The following FAM83B variants were observed in gnomAD, a reference collection of about 807,000 sequenced individuals.
The protein encoded by FAM83B is protein FAM83B.
FAM83B carries 26 observed loss-of-function variants against 38.8 expected under a neutral mutation model. The observed-to-expected ratio is 0.67, with a 90% CI of 0.49 to 0.93. The LOEUF (loss-of-function observed/expected upper bound fraction) is 0.93, where lower values mean the gene tolerates loss of function less well. FAM83B is among the 40% of genes least tolerant of loss of function. The pLI, the probability that FAM83B is intolerant of heterozygous loss-of-function variation, is 0.00. For missense variants in FAM83B, 1,237 were observed against 1,197.3 expected, an observed-to-expected ratio of 1.03 and a Z score of -0.49; for synonymous variants, 419 against 423.1, an observed-to-expected ratio of 0.99 and a Z score of 0.12.
At chr6:54,906,365 A>T (rs1772776563) in intron 2 of FAM83B, among the ~76,000 whole-genome samples, 1 of 152,008 alleles carries the variant, frequency 6.6e-6, no homozygotes, top group Admixed American at 6.6e-5. Flanking sequence ...CCAATAAAAC[A>T]ATTATTATTA....
At chr6:54,862,757 G>A (rs555064733) in intron 1 of FAM83B, among the ~76,000 whole-genome samples, 4 of 151,940 alleles carry the variant, frequency 2.6e-5, no homozygotes, top group African/African-American at 9.7e-5. Flanking sequence ...GGCAGTGTGT[G>A]CCTGTAGTCC....
chr6:54,918,334 A>G (rs1216406817), intron 2 of FAM83B, among the ~76,000 whole-genome samples: 1 of 152,160 alleles, frequency 6.6e-6, no homozygotes, highest in African/African-American at 2.4e-5. Flanking sequence ...CTAACTCTGT[A>G]GTAATACAGC....
chr6:54,941,556 A>G lies in FAM83B; in HGVS notation c.2585A>G (p.Asp862Gly), dbSNP rs771386096. 3 of 1,614,084 alleles carry G rather than the reference A, an allele frequency of 1.9e-6. No individual in the cohort carries two copies. The highest frequency in any genetic ancestry group is 1.7e-6 in the Non-Finnish European group (2 of 1,180,000). The change falls in exon 5 of 5, where the codon GAT (aspartate) becomes GGT (glycine). Residue 862 changes from aspartate (D) to glycine (G), a missense_variant. By Grantham distance (94) the Asp-to-Gly change is moderately conservative. Transcript: ENST00000306858. ...TCTCAAGAGATAAATGCTCCACCAG[A>G]TGAAAATAAAAGAACACCTTCTCCA... ...SPSQEINAPP[D>G]ENKRTPSPGP...
chr6:54,860,422 T>C (rs1581882910), intron 1 of FAM83B, among the ~76,000 whole-genome samples: 1 of 152,124 alleles, frequency 6.6e-6, no homozygotes, highest in East Asian at 1.9e-4. Context: ...CTTTATTGTA[T>C]GCCATTAAAA....
At position 54,941,631 on chromosome 6, in the gene FAM83B, C is replaced by G. The variant is rs752942030; in HGVS notation, c.2660C>G (p.Pro887Arg). 6.2e-7 allele frequency: 1 copy of G among 1,614,020 alleles called. No individual in the cohort carries two copies. The change falls in exon 5 of 5, where the codon CCA becomes CGA. Residue 887 changes from proline to arginine, a missense_variant. Coordinates refer to ENST00000306858, the MANE Select transcript of FAM83B (RefSeq NM_001010872.3). ...GAAAGGGCAGGAGATGCCTCTGCCC[C>G]AAGATTTAACACTGAACAGATCCAA... Reference protein sequence around the residue: ...FLERAGDASAPRFNTEQIQYR... With the variant: ...FLERAGDASARRFNTEQIQYR...
intron 2 of FAM83B, among the ~76,000 whole-genome samples, chr6:54,875,507 T>C (rs1244661182): frequency 6.6e-6 from 1 of 152,216 alleles, no homozygotes; most frequent in Non-Finnish European, 1.5e-5. Context: ...TTTTGCTTAG[T>C]CAAATTTAAT....
At chr6:54,897,193 C>T (rs1772557743) in intron 2 of FAM83B, among the ~76,000 whole-genome samples, 1 of 150,738 alleles carries the variant, frequency 6.6e-6, no homozygotes, top group South Asian at 2.1e-4. Context: ...AATACTGCTG[C>T]TACACTGGTA....
At chr6:54,884,317 A>AAAAG (rs1375935973) in intron 2 of FAM83B, among the ~76,000 whole-genome samples, 7 of 149,182 alleles carry the variant, frequency 4.7e-5, no homozygotes, top group Non-Finnish European at 8.9e-5. Context: ...AAAAAAAAAA[A>AAAAG]AGAGAAAAAT....
intron 2 of FAM83B, among the ~76,000 whole-genome samples, chr6:54,919,347 A>G (rs1260474753): frequency 6.6e-6 from 1 of 152,138 alleles, no homozygotes; most frequent in African/African-American, 2.4e-5. Flanking sequence ...CAGTTCTATG[A>G]TATGATGCAA....
chr6:54,924,689 T>C (rs1263699702), intron 2 of FAM83B, among the ~76,000 whole-genome samples: 1 of 152,022 alleles, frequency 6.6e-6, no homozygotes, highest in Non-Finnish European at 1.5e-5. Flanking sequence ...CTTGGTCTTC[T>C]TCACTTTTTC....
intron 2 of FAM83B, among the ~76,000 whole-genome samples, chr6:54,908,394 C>A (rs1772824841): frequency 6.6e-6 from 1 of 151,996 alleles, no homozygotes; most frequent in African/African-American, 2.4e-5. Flanking sequence ...TATCATTCTA[C>A]TACCAAAGAA....
intron 4 of FAM83B, among the ~76,000 whole-genome samples, chr6:54,931,864 T>C (rs1773426108): frequency 6.6e-6 from 1 of 152,036 alleles, no homozygotes. Context: ...TTGTAACTTC[T>C]TTGTTCTTTT....
rs1352440348 is a variant in FAM83B, at chr6:54,943,673, A to G, written c.*1666A>G. 1 of 152,160 alleles carries G rather than the reference A, an allele frequency of 6.6e-6. No homozygotes were observed. Among genetic ancestry groups the G allele is most frequent in the South Asian group, 2.1e-4 (1 of 4,826 alleles). The allele number at this position is 152,160 out of a possible 1,614,324, so 9.4% of individuals were successfully genotyped here. A position where few individuals can be genotyped will look rare whatever the true frequency, so the allele number is the denominator to read the frequency against. On this transcript the variant is annotated 3_prime_UTR_variant, in exon 5 of 5. Transcript: ENST00000306858. ...TATGACAGGAAAAGAAAACCTAACA[A>G]AGCCCAGAACCCACAGTTAACCAAA... is the stretch of plus-strand genomic sequence containing the variant.
intron 2 of FAM83B, among the ~76,000 whole-genome samples, chr6:54,889,687 C>T (rs533925977): frequency 1.3e-5 from 2 of 152,034 alleles, no homozygotes; most frequent in East Asian, 1.9e-4. Flanking sequence ...TTTTTTAAAT[C>T]AAATATTTTC....
Position 54,852,926 on chromosome 6 carries a change from A to T in FAM83B, c.-61+6100A>T, listed in dbSNP as rs1238192289. Among the ~76,000 whole-genome samples the T allele has an allele frequency of 3.2e-5, 4 of 126,948 alleles. No homozygotes were observed. The East Asian group carries it at 7.9e-4, about 25-fold the overall frequency. 83.3% of individuals were successfully genotyped at this position (126,948 alleles called of 152,430 possible). A position where few individuals can be genotyped will look rare whatever the true frequency, so the allele number is the denominator to read the frequency against. On this transcript the variant is annotated intron_variant, in intron 1 of 4. Coordinates refer to ENST00000306858, the MANE Select transcript of FAM83B (RefSeq NM_001010872.3). ...GTGAACTTTCCTAAAAGATTATTCG[A>T]TTTTTGTTGCAATTTTTTTTTCTTT...
chr6:54,855,409 GA>G (rs1031907073), intron 1 of FAM83B, among the ~76,000 whole-genome samples: 2 of 152,036 alleles, frequency 1.3e-5, no homozygotes, highest in Non-Finnish European at 1.5e-5. Context: ...CATATACGTT[GA>G]AAAAAATATA....
At chr6:54,938,008 T>C (rs976548797) in intron 4 of FAM83B, among the ~76,000 whole-genome samples, 29 of 152,062 alleles carry the variant, frequency 1.9e-4, no homozygotes, top group African/African-American at 7.0e-4. Context: ...ACCCAAGGTG[T>C]AGTCTGTTAC....
intron 2 of FAM83B, among the ~76,000 whole-genome samples, chr6:54,885,962 TATAATA>T (rs71781584): frequency 4.9e-4 from 73 of 149,952 alleles, no homozygotes; most frequent in African/African-American, 1.3e-3. Context: ...AAACTTAAAG[TATAATA>T]ATAATAATAA....
chr6:54,909,058 A>C (rs1772845591), intron 2 of FAM83B, among the ~76,000 whole-genome samples: 1 of 152,208 alleles, frequency 6.6e-6, no homozygotes, highest in African/African-American at 2.4e-5. Context: ...CTTGTCTAAC[A>C]CAACTCATAG....
Sources: allele counts gnomAD v4.1 joint callset (sites outside exome capture counted in the v4.1 genomes callset), GRCh38; gene constraint gnomAD v4.1.1; transcripts MANE v1.5; gene names NCBI Gene and HGNC (gene_info 2026-07-23, HGNC 2026-07-21).